GLRB: variants seen among roughly 807,000 people sequenced by gnomAD.
GLRB encodes glycine receptor beta.
A neutral mutation model predicts 54.2 loss-of-function variants in GLRB; 33 were observed. The ratio of observed to expected loss-of-function variants is 0.61; its 90% CI spans 0.46 to 0.81. The LOEUF (loss-of-function observed/expected upper bound fraction) is 0.81, where lower values mean the gene tolerates loss of function less well. GLRB is among the 40% of genes least tolerant of loss of function. The pLI is 0.00. For synonymous variants in GLRB, 209 were observed against 208.2 expected, an observed-to-expected ratio of 1.00 and a Z score of -0.03; for missense variants, 572 against 584.6, an observed-to-expected ratio of 0.98 and a Z score of 0.22.
intron 9 of GLRB, among the ~76,000 whole-genome samples, chr4:157,162,965 G>T (rs1013333899): frequency 6.6e-6 from 1 of 152,134 alleles, no homozygotes; most frequent in African/African-American, 2.4e-5. Context: ...AGGCCTCCTT[G>T]TGCTGTGGTG....
In GLRB at chr4:157,171,866, T is replaced by C. The variant is rs1737935008; in HGVS notation, c.*1138T>C. Reference sequence around the variant, plus strand: ...TGAGATTTACTTACTTTGAACTTGTTCCAATCCAAAAGTAAGCACTAAGTC... The same window carrying C: ...TGAGATTTACTTACTTTGAACTTGTCCCAATCCAAAAGTAAGCACTAAGTC... On this transcript the variant is annotated 3_prime_UTR_variant, in exon 10 of 10. Transcript: ENST00000264428. 6.6e-6 allele frequency: 1 copy of C among 151,854 alleles called. No individual in the cohort carries two copies. Among genetic ancestry groups the C allele is most frequent in the Non-Finnish European group, 1.5e-5 (1 of 67,770 alleles). 9.4% of individuals were successfully genotyped at this position (151,854 alleles called of 1,614,324 possible). A position where few individuals can be genotyped will look rare whatever the true frequency, so the allele number is the denominator to read the frequency against.
At chr4:157,133,730 A>T (rs1377062226) in intron 4 of GLRB, among the ~76,000 whole-genome samples, 2 of 151,996 alleles carry the variant, frequency 1.3e-5, no homozygotes, top group Non-Finnish European at 2.9e-5. Context: ...ATTCCCAAGG[A>T]TGCAAAATGG....
At chr4:157,112,206 G>A (rs1268020270) in intron 2 of GLRB, among the ~76,000 whole-genome samples, 2 of 151,880 alleles carry the variant, frequency 1.3e-5, no homozygotes, top group African/African-American at 4.8e-5. Context: ...AGATATGGGT[G>A]ATGGGATGAG....
intron 9 of GLRB, among the ~76,000 whole-genome samples, chr4:157,168,212 A>G (rs529774788): frequency 6.6e-6 from 1 of 152,044 alleles, no homozygotes; most frequent in Non-Finnish European, 1.5e-5. Flanking sequence ...AGATGTAGGC[A>G]CTGCTCTTTC....
rs1297009173 is a variant in GLRB, at chr4:157,171,762, G to A, written c.*1034G>A. The A allele has an allele frequency of 6.6e-6, 1 of 151,784 alleles. No individual in the cohort carries two copies. Among genetic ancestry groups the A allele is most frequent in the East Asian group, 1.9e-4 (1 of 5,184 alleles). The allele number at this position is 151,784 out of a possible 1,614,324, so 9.4% of individuals were successfully genotyped here. A position where few individuals can be genotyped will look rare whatever the true frequency, so the allele number is the denominator to read the frequency against. ...TGGGATTAGTTACAAAATATTTAGA[G>A]ATTAAATAAATAATAGCTTTGTTTG... On this transcript the variant is annotated 3_prime_UTR_variant, in exon 10 of 10. Transcript: ENST00000264428.
intron 4 of GLRB, among the ~76,000 whole-genome samples, chr4:157,132,276 C>G (rs990089595): frequency 6.6e-6 from 1 of 151,582 alleles, no homozygotes; most frequent in Non-Finnish European, 1.5e-5. Flanking sequence ...GGTTGAGTTT[C>G]AAGAGTTCTT....
At chr4:157,123,096 T>C (rs1042787895) in intron 4 of GLRB, among the ~76,000 whole-genome samples, 1 of 151,794 alleles carries the variant, frequency 6.6e-6, no homozygotes, top group Non-Finnish European at 1.5e-5. Flanking sequence ...TTGAAAGCCA[T>C]TCGATAAAGT....
At chr4:157,140,711 C>A (rs1405451394) in intron 7 of GLRB, among the ~76,000 whole-genome samples, 1 of 151,778 alleles carries the variant, frequency 6.6e-6, no homozygotes, top group African/African-American at 2.4e-5. Flanking sequence ...TACTGTTATA[C>A]GATTAATACC....
At chr4:157,083,808 T>A (rs1734311057) in intron 2 of GLRB, among the ~76,000 whole-genome samples, 1 of 152,156 alleles carries the variant, frequency 6.6e-6, no homozygotes, top group African/African-American at 2.4e-5. Flanking sequence ...AGGTTTGAAA[T>A]TTCATGAATA....
chr4:157,152,971 G>A lies in GLRB; in HGVS notation c.1158G>A (p.Val386=). 6.2e-7 allele frequency: 1 copy of A among 1,613,938 alleles called. No individual in the cohort carries two copies. Among genetic ancestry groups the A allele is most frequent in the Non-Finnish European group, 8.5e-7 (1 of 1,179,912 alleles). The change falls in exon 9 of 10, where the codon GTG becomes GTA. Residue 386 remains valine (V), a synonymous_variant. Coordinates refer to ENST00000264428, the MANE Select transcript of GLRB (RefSeq NM_000824.5). Reference sequence around the variant, plus strand: ...GAAATGTGGCTAAAAAGAATACTGTGAATGGAACAGGGACTCCTGTTCATA... The same window carrying A: ...GAAATGTGGCTAAAAAGAATACTGTAAATGGAACAGGGACTCCTGTTCATA... The part of the protein sequence containing the change: ...KGGNVAKKNT[V]NGTGTPVHIS...
intron 9 of GLRB, among the ~76,000 whole-genome samples, chr4:157,162,696 G>C (rs1037083668): frequency 6.6e-6 from 1 of 152,148 alleles, no homozygotes; most frequent in Non-Finnish European, 1.5e-5. Context: ...TTCCTCTGGA[G>C]GGTTCGTCTC....
intron 2 of GLRB, among the ~76,000 whole-genome samples, chr4:157,098,489 G>C (rs1734894342): frequency 6.6e-6 from 1 of 152,154 alleles, no homozygotes; most frequent in Admixed American, 6.5e-5. Context: ...GGGATGAGCA[G>C]GTACCATGAT....
At chr4:157,077,681 A>G (rs1483684820) in intron 1 of GLRB, among the ~76,000 whole-genome samples, 1 of 151,446 alleles carries the variant, frequency 6.6e-6, no homozygotes, top group Admixed American at 6.6e-5. Context: ...GTGCAATTCA[A>G]TATCAATTTA....
chr4:157,077,808 A>G (rs900623612), intron 1 of GLRB, among the ~76,000 whole-genome samples, 188 bp from the exon 2 acceptor site: 18 of 151,450 alleles, frequency 1.2e-4, no homozygotes, highest in African/African-American at 4.4e-4. Flanking sequence ...TATAAAAAAG[A>G]CTTTACAACT....
At chr4:157,165,293 A>T (rs1391879552) in intron 9 of GLRB, among the ~76,000 whole-genome samples, 3 of 152,036 alleles carry the variant, frequency 2.0e-5, no homozygotes, top group Non-Finnish European at 4.4e-5. Flanking sequence ...TATCTTTTTA[A>T]TTCAATGGTT....
intron 8 of GLRB, among the ~76,000 whole-genome samples, chr4:157,151,556 A>C (rs887435385): frequency 6.6e-6 from 1 of 152,154 alleles, no homozygotes; most frequent in East Asian, 1.9e-4. Flanking sequence ...TTTCATCTGC[A>C]GAAGTTATAT....
At chr4:157,102,768 T>G (rs900996244) in intron 2 of GLRB, among the ~76,000 whole-genome samples, 1 of 152,158 alleles carries the variant, frequency 6.6e-6, no homozygotes, top group Non-Finnish European at 1.5e-5. Context: ...TGAATATTCA[T>G]GAAAGGAGGT....
intron 2 of GLRB, among the ~76,000 whole-genome samples, chr4:157,118,717 C>T (rs1443219248): frequency 2.6e-5 from 4 of 151,550 alleles, no homozygotes; most frequent in Middle Eastern, 3.2e-3. Context: ...ATGGTTGCCT[C>T]TTATCGGCAG....
Position 157,120,561 on chromosome 4 carries a change from A to C in GLRB, c.128A>C (p.Gln43Pro). ...GATTTTTCTCTCTCTTATAGTCAGC[A>C]GTCAGCAGAGGACCTTGCCCGAGTA... ...KKKQYLCPSQ[Q>P]SAEDLARVPA... The change falls in exon 3 of 10, where the codon CAG becomes CCG. Residue 43 changes from glutamine to proline, a missense_variant. Transcript: ENST00000264428. 6.4e-7 allele frequency: 1 copy of C among 1,555,850 alleles called. No individual in the cohort carries two copies. The highest frequency in any genetic ancestry group is 1.1e-5 in the South Asian group (1 of 89,846).
Sources: allele counts gnomAD v4.1 joint callset (sites outside exome capture counted in the v4.1 genomes callset), GRCh38; gene constraint gnomAD v4.1.1; transcripts MANE v1.5; gene names NCBI Gene and HGNC (gene_info 2026-07-23, HGNC 2026-07-21).